Variants in CDC42SE2 observed in about 807,000 individuals in gnomAD.
CDC42SE2 encodes the protein CDC42 small effector 2.
Under a neutral mutation model 11.5 loss-of-function variants are expected in CDC42SE2, and 3 were observed. That is an observed-to-expected ratio of 0.26 (90% confidence interval 0.12 to 0.67). The LOEUF (loss-of-function observed/expected upper bound fraction) is 0.67. Ranked by LOEUF, CDC42SE2 falls within the 30% of genes least tolerant of loss-of-function variation. The pLI, the probability that CDC42SE2 is intolerant of heterozygous loss-of-function variation, is 0.80. For missense variants in CDC42SE2, 82 were observed against 106.8 expected (o/e 0.77, Z 1.02); for synonymous variants, 33 against 34.8 (o/e 0.95, Z 0.18).
chr5:131,359,216 G>A lies in CDC42SE2; in HGVS notation c.-278G>A. The A allele has an allele frequency of 2.3e-6, 1 of 431,092 alleles. No individual in the cohort carries two copies. The highest frequency in any genetic ancestry group is 3.7e-5 in the South Asian group (1 of 26,750). The allele number at this position is 431,092 out of a possible 1,614,324, so 26.7% of individuals were successfully genotyped here. On this transcript the variant is annotated 5_prime_UTR_variant, in exon 3 of 5. Transcript: ENST00000505065. Reference sequence around the variant, plus strand: ...TTTCTTTTTTTTCCCTAGACTATCTGTTATAGTCCCTGGGTCAAGACAACA... The same window carrying A: ...TTTCTTTTTTTTCCCTAGACTATCTATTATAGTCCCTGGGTCAAGACAACA...
intron 1 of CDC42SE2, among the ~76,000 whole-genome samples, chr5:131,314,991 A>T (rs574304650): frequency 1.3e-4 from 20 of 152,260 alleles, no homozygotes; most frequent in African/African-American, 4.3e-4. Context: ...TGTTCAAGTT[A>T]TGTGTTTTGG....
At chr5:131,388,102 A>G (rs901339023) in intron 4 of CDC42SE2, among the ~76,000 whole-genome samples, 5 of 151,994 alleles carry the variant, frequency 3.3e-5, no homozygotes, top group African/African-American at 1.2e-4. Context: ...GGTTCAAGCA[A>G]TCCTGTCTCA....
At chr5:131,348,533 G>A (rs1206987678) in intron 2 of CDC42SE2, among the ~76,000 whole-genome samples, 1 of 152,156 alleles carries the variant, frequency 6.6e-6, no homozygotes, top group Non-Finnish European at 1.5e-5. Context: ...TCATGGATAG[G>A]AGGAATCAAT....
intron 3 of CDC42SE2, among the ~76,000 whole-genome samples, chr5:131,365,599 T>A (rs759708584): frequency 1.3e-5 from 2 of 152,230 alleles, no homozygotes; most frequent in Non-Finnish European, 2.9e-5. Context: ...ATGTGCATGT[T>A]CCTGATTTAA....
chr5:131,221,404 T>C, the CDC42SE2 span, among the ~76,000 whole-genome samples: 1 of 152,072 alleles, frequency 6.6e-6, no homozygotes, highest in East Asian at 1.9e-4. Flanking sequence ...AGCCAAAAGA[T>C]TGGACACCCC....
chr5:131,324,682 A>C (rs901544878), intron 2 of CDC42SE2, among the ~76,000 whole-genome samples: 2 of 151,314 alleles, frequency 1.3e-5, no homozygotes, highest in African/African-American at 4.9e-5. Flanking sequence ...ATTTTTCCAC[A>C]CATTTTTTTT....
chr5:131,218,589 T>C, the CDC42SE2 span, among the ~76,000 whole-genome samples: 1 of 151,896 alleles, frequency 6.6e-6, no homozygotes, highest in East Asian at 1.9e-4. Flanking sequence ...ACGTTACTAT[T>C]TGTATTAGCC....
chr5:131,262,260 G>C (rs754019524), upstream of CDC42SE2, among the ~76,000 whole-genome samples: 2 of 151,792 alleles, frequency 1.3e-5, no homozygotes, highest in Non-Finnish European at 2.9e-5. Flanking sequence ...AGTGAAATAG[G>C]ATTGTAGCGT....
intron 1 of CDC42SE2, among the ~76,000 whole-genome samples, chr5:131,310,647 T>C (rs1757885299): frequency 6.6e-6 from 1 of 152,174 alleles, no homozygotes; most frequent in African/African-American, 2.4e-5. Flanking sequence ...TGGGTGCATA[T>C]ATATTTAGGA....
chr5:131,317,936 G>C (rs1192050233), intron 2 of CDC42SE2, among the ~76,000 whole-genome samples: 1 of 150,606 alleles, frequency 6.6e-6, no homozygotes, highest in Admixed American at 6.6e-5. Context: ...CTTTTTTTGA[G>C]ACAGGGTCTC....
chr5:131,330,885 G>C (rs1758406908), intron 2 of CDC42SE2, among the ~76,000 whole-genome samples: 1 of 151,776 alleles, frequency 6.6e-6, no homozygotes, highest in Non-Finnish European at 1.5e-5. Flanking sequence ...AAGTAGCTTG[G>C]CTTGGTGGTG....
chr5:131,248,637 A>G (rs985298048), intron 1 of CDC42SE2, among the ~76,000 whole-genome samples: 2 of 152,210 alleles, frequency 1.3e-5, no homozygotes, highest in East Asian at 1.9e-4. Context: ...ATGTGAAACA[A>G]AAGTCAATTG....
At chr5:131,342,452 C>T (rs947757548) in intron 2 of CDC42SE2, among the ~76,000 whole-genome samples, 1 of 136,806 alleles carries the variant, frequency 7.3e-6, no homozygotes, top group African/African-American at 3.1e-5. Flanking sequence ...GCAGTGGCGC[C>T]GATCTCAGCC....
At chr5:131,362,871 G>A (rs1015385918) in intron 3 of CDC42SE2, among the ~76,000 whole-genome samples, 10 of 152,130 alleles carry the variant, frequency 6.6e-5, no homozygotes, top group East Asian at 3.9e-4. Context: ...TTAGGGCTGG[G>A]CGCAGTGGCT....
At chr5:131,330,393 C>G (rs1014967511) in intron 2 of CDC42SE2, among the ~76,000 whole-genome samples, 1 of 151,876 alleles carries the variant, frequency 6.6e-6, no homozygotes, top group African/African-American at 2.4e-5. Context: ...GTTTTTTTTT[C>G]TGTTCCTGAT....
intron 1 of CDC42SE2, among the ~76,000 whole-genome samples, chr5:131,302,586 G>C (rs1288760581): frequency 1.3e-5 from 2 of 152,128 alleles, no homozygotes; most frequent in Admixed American, 1.3e-4. Flanking sequence ...GAAGTTCTGG[G>C]ATTACAGGCC....
At chr5:131,266,558 C>T (rs1222668731) in intron 1 of CDC42SE2, among the ~76,000 whole-genome samples, 4 of 150,398 alleles carry the variant, frequency 2.7e-5, no homozygotes, top group African/African-American at 4.9e-5. Context: ...CTTTGGGGCT[C>T]GAGCTATTCT....
rs904545611 is a variant in CDC42SE2 at position 131,392,755 on chromosome 5, T to C, written c.*1664T>C. 1 of 152,364 alleles carries C rather than the reference T, an allele frequency of 6.6e-6. No homozygotes were observed. Among genetic ancestry groups the C allele is most frequent in the African/African-American group, 2.4e-5 (1 of 41,456 alleles). 9.4% of individuals were successfully genotyped at this position (152,364 alleles called of 1,614,324 possible). The stretch of plus-strand genomic sequence containing the variant: ...TCGTTTCTTTGTGCACTCATTCTTT[T>C]ATTTTTACTTCTTTTTAATGTTATG... On this transcript the variant is annotated 3_prime_UTR_variant, in exon 5 of 5. Coordinates refer to ENST00000505065, the MANE Select transcript of CDC42SE2 (RefSeq NM_001375635.1).
chr5:131,358,688 C>T (rs138957079), intron 2 of CDC42SE2, among the ~76,000 whole-genome samples: 129 of 152,172 alleles, frequency 8.5e-4, no homozygotes, highest in Non-Finnish European at 1.5e-3. Context: ...GCCAACTTAA[C>T]CTCTACCCAT....
Sources: gnomAD v4.1 joint callset for allele counts (sites outside exome capture counted in the v4.1 genomes callset) on GRCh38, gnomAD v4.1.1 for gene constraint, MANE v1.5 for transcripts, NCBI Gene and HGNC (gene_info 2026-07-23, HGNC 2026-07-21) for gene names.